CARD10: variants seen among roughly 807,000 people sequenced by gnomAD.
CARD10 encodes caspase recruitment domain-containing protein 10.
Under a neutral mutation model 114.6 loss-of-function variants are expected in CARD10, and 49 were observed. The ratio of observed to expected loss-of-function variants is 0.43; its 90% CI spans 0.34 to 0.54. The LOEUF is 0.54. CARD10 is among the 20% of genes least tolerant of loss of function. The pLI, the probability that CARD10 is intolerant of heterozygous loss-of-function variation, is 0.03. For missense variants in CARD10, 1,206 were observed against 1,397.2 expected (o/e 0.86, Z 2.18); for synonymous variants, 602 against 593.2 (o/e 1.01, Z -0.21).
chr22:37,515,851 TA>T, intron 3 of CARD10, 121 bp downstream of exon 3: 1 of 754,092 alleles, frequency 1.3e-6, no homozygotes, highest in Non-Finnish European at 2.1e-6. Flanking sequence ...CACCGAGCAC[TA>T]AAAGGACTTA....
chr22:37,494,201 A>G lies in CARD10; in HGVS notation c.2374-13T>C. The G allele has an allele frequency of 1.3e-6, 2 of 1,533,334 alleles. No homozygotes were observed. Among genetic ancestry groups the G allele is most frequent in the Non-Finnish European group, 1.8e-6 (2 of 1,131,892 alleles). The allele number at this position is 1,533,334 out of a possible 1,614,324, so 95.0% of individuals were successfully genotyped here. The stretch of plus-strand genomic sequence containing the variant: ...CTCTCTTCTTCAGCTGGGAGGGTGC[A>G]GGGACAGAGGAGCATCTGAGAGCTC... On this transcript the variant is annotated splice_polypyrimidine_tract_variant and intron_variant, in intron 15 of 19. Transcript: ENST00000251973.
At chr22:37,509,131 C>T (rs1203639984) in intron 4 of CARD10, 40 of 1,496,932 alleles carry the variant, frequency 2.7e-5, no homozygotes, top group Admixed American at 4.4e-5. Flanking sequence ...GCCCCCAGAC[C>T]CACACCCCAG....
chr22:37,496,733 C>T lies in CARD10; in HGVS notation c.1948-173G>A. 2 of 644,210 alleles carry T rather than the reference C, an allele frequency of 3.1e-6. No individual in the cohort carries two copies. The highest frequency in any genetic ancestry group is 5.6e-5 in the East Asian group (2 of 35,954). 39.9% of individuals were successfully genotyped at this position (644,210 alleles called of 1,614,324 possible). A position where few individuals can be genotyped will look rare whatever the true frequency, so the allele number is the denominator to read the frequency against. On this transcript the variant is annotated intron_variant, in intron 12 of 19. Coordinates refer to ENST00000251973, the MANE Select transcript of CARD10 (RefSeq NM_014550.4). This position sits in a 1 kb window ranked among gnomAD's most constrained non-coding sequence, Gnocchi z 4.1. ...AGACCCGTCCCCATCCACAGGACGC[C>T]CCCATCCACAGGACTCCCCAACCCG...
chr22:37,504,424 T>C (rs2145763705), intron 8 of CARD10, 123 bp from the exon 9 acceptor site: 1 of 1,067,542 alleles, frequency 9.4e-7, no homozygotes, highest in African/African-American at 1.6e-5. Flanking sequence ...GAGCGGGCTC[T>C]GCAAGATTAT....
chr22:37,495,123 C>T (rs1359824957), intron 15 of CARD10, among the ~76,000 whole-genome samples: 1 of 152,180 alleles, frequency 6.6e-6, no homozygotes, highest in Non-Finnish European at 1.5e-5. Context: ...CCACCACGCC[C>T]GGCTAATTTT....
chr22:37,491,073 A>G lies in CARD10; in HGVS notation c.*86T>C. 1.8e-6 allele frequency: 2 copies of G among 1,082,590 alleles called. No homozygotes were observed. The highest frequency in any genetic ancestry group is 2.7e-6 in the Non-Finnish European group (2 of 740,348). 67.1% of individuals were successfully genotyped at this position (1,082,590 alleles called of 1,614,324 possible). On this transcript the variant is annotated 3_prime_UTR_variant, in exon 20 of 20. Coordinates refer to ENST00000251973, the MANE Select transcript of CARD10 (RefSeq NM_014550.4). The stretch of plus-strand genomic sequence containing the variant: ...GCATCTGAGAGTCCAAGGGTCTAGG[A>G]AGGCTCAGGGTGGGAGGGCCCAGCT...
At position 37,508,757 on chromosome 22, in the gene CARD10, G is replaced by A. The variant is rs1026175103; in HGVS notation, c.910-75C>T. The A allele has an allele frequency of 1.8e-5, 26 of 1,435,902 alleles. No homozygotes were observed. In the African/African-American group the frequency reaches 3.4e-4, roughly 19 times the overall value. The allele number at this position is 1,435,902 out of a possible 1,614,324, so 88.9% of individuals were successfully genotyped here. On this transcript the variant is annotated intron_variant, in intron 4 of 19. Coordinates refer to ENST00000251973, the MANE Select transcript of CARD10 (RefSeq NM_014550.4). Reference sequence around the variant, plus strand: ...CTGGGTGTGGGAAGGAAGGGGACACGCAGCTCTCAGCCCTCCAAACCCACC... The same window carrying A: ...CTGGGTGTGGGAAGGAAGGGGACACACAGCTCTCAGCCCTCCAAACCCACC...
intron 4 of CARD10, chr22:37,509,259 C>G: frequency 3.2e-6 from 3 of 928,356 alleles, no homozygotes; most frequent in Non-Finnish European, 4.6e-6. Flanking sequence ...CCGCAGGACA[C>G]TAAGCAAGCC....
chr22:37,511,357 CAAAA>C (rs1169625822), intron 3 of CARD10, among the ~76,000 whole-genome samples: 1 of 65,824 alleles, frequency 1.5e-5, no homozygotes, highest in South Asian at 6.2e-4. Context: ...GACCCTGTCT[CAAAA>C]AAAAAAAAAA....
Position 37,504,249 on chromosome 22 carries a change from A to G in CARD10, c.1571T>C (p.Phe524Ser), listed in dbSNP as rs1601813358. The G allele has an allele frequency of 2.5e-6, 4 of 1,578,906 alleles. No individual in the cohort carries two copies. The highest frequency in any genetic ancestry group is 1.8e-5 in the Admixed American group (1 of 55,146). Residue 524 changes from phenylalanine (F) to serine (S), a missense_variant, in exon 9 of 20, where the codon TTC (phenylalanine) becomes TCC (serine). Physicochemically the swap from Phe to Ser is radical, Grantham distance 155 (BLOSUM62 -2). This residue lies in a region of CARD10 where 1,068 missense variants were observed against 1,179.1 expected (regional missense o/e 0.91). Coordinates refer to ENST00000251973, the MANE Select transcript of CARD10 (RefSeq NM_014550.4). ...KEINRLSILP[F>S]PPSAGSILRR... is the part of the protein sequence containing the mutation. ...GAGGATGGAGCCGGCACTGGGGGGG[A>G]AGGGCAGGATGGAGAGCCGATTGAT...
At chr22:37,495,702 C>A in intron 14 of CARD10, 58 bp downstream of exon 14, 1 of 1,610,854 alleles carries the variant, frequency 6.2e-7, no homozygotes, top group Non-Finnish European at 8.5e-7. Context: ...GGAGAGCACC[C>A]CCATCTGAGC....
In CARD10 at chr22:37,494,018, C is replaced by T; in HGVS notation, c.2476+68G>A. 5 of 1,190,444 alleles carry T rather than the reference C, an allele frequency of 4.2e-6. No individual in the cohort carries two copies. In the South Asian group the frequency reaches 5.2e-5, roughly 12 times the overall value. 73.7% of individuals were successfully genotyped at this position (1,190,444 alleles called of 1,614,324 possible). A position where few individuals can be genotyped will look rare whatever the true frequency, so the allele number is the denominator to read the frequency against. ...CAAAGAGGCCACCCAAGCTAAAGGACACTCAGCTGCACACATCCCTGGACA... is the reference window on the plus strand; with the variant it reads ...CAAAGAGGCCACCCAAGCTAAAGGATACTCAGCTGCACACATCCCTGGACA... On this transcript the variant is annotated intron_variant, in intron 16 of 19. Transcript: ENST00000251973.
chr22:37,493,963 T>C lies in CARD10; in HGVS notation c.2476+123A>G, dbSNP rs149422588. 1.8e-4 allele frequency: 139 copies of C among 755,952 alleles called. No individual in the cohort carries two copies. In the East Asian group the frequency reaches 3.5e-3, roughly 19 times the overall value. The allele number at this position is 755,952 out of a possible 1,614,324, so 46.8% of individuals were successfully genotyped here. ...GCCCCCAGCATGACCCCCACTCCTG[T>C]TGGAACCCTCACAACAGGCCCTTCC... On this transcript the variant is annotated intron_variant, in intron 16 of 19. Transcript: ENST00000251973.
In CARD10 at chr22:37,516,174, C is replaced by A; in HGVS notation, c.498G>T (p.Glu166Asp). ...QLQARGRVLE[E>D]ERAGLEQRLR... is the part of the protein sequence containing the mutation. ...GCCGCTGCTCCAGCCCTGCCCGCTC[C>A]TCCTCGAGCACCCGGCCCCGGGCCT... Residue 166 changes from glutamate (E) to aspartate (D), a missense_variant, in exon 3 of 20, where the codon GAG (glutamate) becomes GAT (aspartate). Glu to Asp is a conservative substitution (Grantham distance 45). Transcript: ENST00000251973. 1 of 1,593,708 alleles carries A rather than the reference C, an allele frequency of 6.3e-7. No individual in the cohort carries two copies. The highest frequency in any genetic ancestry group is 8.5e-7 in the Non-Finnish European group (1 of 1,170,756).
chr22:37,516,660 A>G (rs1212321913), intron 2 of CARD10, among the ~76,000 whole-genome samples: 1 of 152,252 alleles, frequency 6.6e-6, no homozygotes, highest in African/African-American at 2.4e-5. Context: ...AAAACTATCA[A>G]TAGGCAAGTC....
Position 37,496,063 on chromosome 22 carries a change from G to C in CARD10, c.2060-60C>G. On this transcript the variant is annotated intron_variant, in intron 13 of 19. Coordinates refer to ENST00000251973, the MANE Select transcript of CARD10 (RefSeq NM_014550.4). The surrounding 1 kb of genome is among the most constrained non-coding windows in gnomAD (Gnocchi z 4.1). ...ACAAGAGGAGGATGGTGAGGTCCAG[G>C]ATCGGCCTTGGTGGGGCCAAAGACA... 11 of 1,592,434 alleles carry C rather than the reference G, an allele frequency of 6.9e-6. No homozygotes were observed. The highest frequency in any genetic ancestry group is 8.6e-6 in the Non-Finnish European group (10 of 1,167,710).
rs376844051 is a variant in CARD10 at position 37,518,029 on chromosome 22, G to C, written c.315C>G (p.Pro105=). 8 of 1,614,040 alleles carry C rather than the reference G, an allele frequency of 5.0e-6. No homozygotes were observed. The highest frequency in any genetic ancestry group is 6.8e-6 in the Non-Finnish European group (8 of 1,179,988). Residue 105 remains proline, a synonymous_variant, in exon 2 of 20, where the codon CCC becomes CCG. Coordinates refer to ENST00000251973, the MANE Select transcript of CARD10 (RefSeq NM_014550.4). ...AFLEALEFYY[P]EHFTLLTGQE... Reference sequence around the variant, plus strand: ...GGCCCGTGAGCAGCGTGAAGTGTTCGGGGTAGTAGAACTCCAGGGCTTCCA... The same window carrying C: ...GGCCCGTGAGCAGCGTGAAGTGTTCCGGGTAGTAGAACTCCAGGGCTTCCA...
At position 37,502,672 on chromosome 22, in the gene CARD10, C is replaced by A; in HGVS notation, c.1717G>T (p.Asp573Tyr). The change falls in exon 11 of 20, where the codon GAC becomes TAC. Residue 573 changes from aspartate to tyrosine, a missense_variant. Coordinates refer to ENST00000251973, the MANE Select transcript of CARD10 (RefSeq NM_014550.4). ...GGCTTTCCCAAAGGCCACACGCTGT[C>A]AGAGGATGAGGACGAAGAGAGGCCA... Reference protein sequence around the residue: ...SPGLSSSSSSDSVWPLGKPEG... With the variant: ...SPGLSSSSSSYSVWPLGKPEG... 1 of 1,613,902 alleles carries A rather than the reference C, an allele frequency of 6.2e-7. No homozygotes were observed. The highest frequency in any genetic ancestry group is 8.5e-7 in the Non-Finnish European group (1 of 1,179,950).
chr22:37,512,948 C>T (rs1323869584), intron 3 of CARD10, among the ~76,000 whole-genome samples: 2 of 152,200 alleles, frequency 1.3e-5, no homozygotes, highest in Non-Finnish European at 2.9e-5. Flanking sequence ...CCGCCACACA[C>T]CTGCCTATGG....
Sources: allele counts gnomAD v4.1 joint callset (sites outside exome capture counted in the v4.1 genomes callset), GRCh38; gene constraint gnomAD v4.1.1; regional missense constraint gnomAD v4.1.1; non-coding constraint Gnocchi (gnomAD v3.1); transcripts MANE v1.5; gene names NCBI Gene and HGNC (gene_info 2026-07-23, HGNC 2026-07-21).